ANOS1: variants seen among roughly 807,000 people sequenced by gnomAD.
The protein encoded by ANOS1 is anosmin-1.
A neutral mutation model predicts 59.0 loss-of-function variants in ANOS1; 6 were observed. The observed-to-expected ratio is 0.10, with a 90% CI of 0.06 to 0.20. The LOEUF (loss-of-function observed/expected upper bound fraction) is 0.20. Among genes scored for constraint, ANOS1 ranks in the 10% least tolerant of loss-of-function variants. ANOS1 has a pLI of 1.00. For synonymous variants in ANOS1, 217 were observed against 223.4 expected, an observed-to-expected ratio of 0.97 and a Z score of 0.25; for missense variants, 433 against 542.3, an observed-to-expected ratio of 0.80 and a Z score of 2.00.
intron 9 of ANOS1, among the ~76,000 whole-genome samples, chrX:8,546,628 T>C (rs747229836): frequency 4.5e-5 from 5 of 111,818 alleles, no homozygotes; most frequent in African/African-American, 1.6e-4. Context: ...ATCACAGAGC[T>C]GCCTCCTGAG....
intron 3 of ANOS1, among the ~76,000 whole-genome samples, chrX:8,621,826 C>A (rs1297892363): frequency 4.5e-5 from 5 of 111,774 alleles, no homozygotes; most frequent in Admixed American, 1.9e-4. Context: ...ATAAGCCCCA[C>A]AAAAGCTGGA....
chrX:8,632,432 A>G (rs1177615138), intron 2 of ANOS1, among the ~76,000 whole-genome samples: 2 of 111,990 alleles, frequency 1.8e-5, no homozygotes, highest in Admixed American at 1.9e-4. Context: ...ACTTTATTTT[A>G]TAGTTCTTTC....
intron 6 of ANOS1, among the ~76,000 whole-genome samples, chrX:8,579,581 G>C (rs768224186): frequency 3.6e-5 from 4 of 111,731 alleles, no homozygotes; most frequent in African/African-American, 1.3e-4. Flanking sequence ...AGTTAAACAA[G>C]AGGTAAACAA....
Position 8,699,741 on chromosome X carries a change from T to C in ANOS1, c.212A>G (p.Asn71Ser), listed in dbSNP as rs940503423. The part of the protein sequence containing the change: ...ISAFFQHFQN[N>S]GSLVWCQNHK... ...ATTCTGGCACCAAACCAGGGAACCA[T>C]TGTTCTGCAAAAAGAAAAAGGAAAA... The change falls in exon 2 of 14, where the codon AAT becomes AGT. Residue 71 changes from asparagine to serine, a missense_variant. Physicochemically the swap from Asn to Ser is conservative, Grantham distance 46. Transcript: ENST00000262648. 5 of 1,193,185 alleles carry C rather than the reference T, an allele frequency of 4.2e-6. No homozygotes were observed. The highest frequency in any genetic ancestry group is 1.8e-5 in the South Asian group (1 of 56,133).
chrX:8,719,527 C>T lies in ANOS1; in HGVS notation c.207+12303G>A, dbSNP rs917938413. On this transcript the variant is annotated intron_variant, in intron 1 of 13. Transcript: ENST00000262648. ...TCCCTAGTAGCTGGGACTACAGGTGCGCACCACCATGCCTGGCTAATTTTT... is the reference window on the plus strand; with the variant it reads ...TCCCTAGTAGCTGGGACTACAGGTGTGCACCACCATGCCTGGCTAATTTTT... Among the ~76,000 whole-genome samples, 4 of 111,234 alleles carry T rather than the reference C, an allele frequency of 3.6e-5. No homozygotes were observed. The South Asian group carries it at 1.1e-3, about 32-fold the overall frequency.
chrX:8,534,815 G>A (rs141539475), intron 12 of ANOS1, among the ~76,000 whole-genome samples: 134 of 111,832 alleles, frequency 1.2e-3, no homozygotes, highest in African/African-American at 4.2e-3. Context: ...ATCTTGTGAT[G>A]TGAACTCTTG....
chrX:8,652,676 T>C (rs985496816), intron 2 of ANOS1, among the ~76,000 whole-genome samples: 1 of 110,893 alleles, frequency 9.0e-6, no homozygotes, highest in Non-Finnish European at 1.9e-5. Context: ...CATGGCAAGG[T>C]TGAGGAGTTT....
chrX:8,555,395 G>A (rs1432519838), intron 8 of ANOS1, among the ~76,000 whole-genome samples: 9 of 110,802 alleles, frequency 8.1e-5, no homozygotes, highest in Non-Finnish European at 1.7e-4. Context: ...AGAACTGAAG[G>A]AGATAGAGAC....
At chrX:8,710,474 C>T (rs1300901876) in intron 1 of ANOS1, among the ~76,000 whole-genome samples, 2 of 111,522 alleles carry the variant, frequency 1.8e-5, no homozygotes, top group African/African-American at 6.5e-5. Flanking sequence ...TTCCAAATAC[C>T]CACTCAAAAT....
intron 4 of ANOS1, among the ~76,000 whole-genome samples, chrX:8,594,753 T>TACAC (rs1279296109): frequency 2.6e-5 from 2 of 76,558 alleles, no homozygotes; most frequent in East Asian, 7.4e-4. Context: ...TATATATACA[T>TACAC]ATATATATAT....
chrX:8,541,295 C>T (rs1300721475), intron 9 of ANOS1, among the ~76,000 whole-genome samples: 4 of 102,566 alleles, frequency 3.9e-5, no homozygotes, highest in African/African-American at 1.1e-4. Flanking sequence ...CCCAGCTACT[C>T]GGGAGGCTGA....
At position 8,678,088 on chromosome X, in the gene ANOS1, C is replaced by T. The variant is rs780848785; in HGVS notation, c.255+21610G>A. Among the ~76,000 whole-genome samples the T allele has an allele frequency of 8.9e-5, 10 of 112,391 alleles. No individual in the cohort carries two copies. In the East Asian group the frequency reaches 2.8e-3, roughly 32 times the overall value. On this transcript the variant is annotated intron_variant, in intron 2 of 13. Transcript: ENST00000262648. ...ACCTGACCCGCAAGCTCTCCACAGA[C>T]CTGCGCTGATGGTTTCTCACTTCCC...
At chrX:8,651,838 G>A (rs373414211) in intron 2 of ANOS1, among the ~76,000 whole-genome samples, 2 of 111,979 alleles carry the variant, frequency 1.8e-5, no homozygotes, top group African/African-American at 6.5e-5. Context: ...GTCTCCCTAG[G>A]GTGTACTCCC....
chrX:8,610,942 G>A (rs1307631170), intron 3 of ANOS1, among the ~76,000 whole-genome samples: 1 of 111,788 alleles, frequency 8.9e-6, no homozygotes, highest in Non-Finnish European at 1.9e-5. Context: ...AATCCAGTGT[G>A]CAAAGAAGCA....
At chrX:8,556,981 T>C (rs1929960291) in intron 8 of ANOS1, among the ~76,000 whole-genome samples, 1 of 111,449 alleles carries the variant, frequency 9.0e-6, no homozygotes, top group Non-Finnish European at 1.9e-5. Context: ...AAAACAGATA[T>C]ATAGACCAAT....
intron 2 of ANOS1, among the ~76,000 whole-genome samples, chrX:8,680,022 A>G (rs1932397571): frequency 9.1e-6 from 1 of 109,377 alleles, no homozygotes; most frequent in Non-Finnish European, 1.9e-5. Flanking sequence ...TTAGCCTGGC[A>G]TGGTGGTGTG....
chrX:8,727,703 C>A (rs1165470556), intron 1 of ANOS1, among the ~76,000 whole-genome samples: 1 of 112,138 alleles, frequency 8.9e-6, no homozygotes, highest in African/African-American at 3.2e-5. Flanking sequence ...GAGCCCAAGG[C>A]CCTAGGTGCC....
At chrX:8,668,920 G>A (rs765911227) in intron 2 of ANOS1, among the ~76,000 whole-genome samples, 1 of 111,610 alleles carries the variant, frequency 9.0e-6, no homozygotes, top group Non-Finnish European at 1.9e-5. Flanking sequence ...GTATCAAAAC[G>A]ATCAAGTCTC....
chrX:8,585,257 G>A lies in ANOS1; in HGVS notation c.856+10C>T. The stretch of plus-strand genomic sequence containing the variant: ...AGTATTCTGTGTCTGGGAAGAAAAG[G>A]AAGACTGACCTTTGGAAGAACGGAA... On this transcript the variant is annotated intron_variant, in intron 6 of 13. Transcript: ENST00000262648. The A allele has an allele frequency of 8.3e-7, 1 of 1,209,829 alleles. No individual in the cohort carries two copies. The highest frequency in any genetic ancestry group is 1.1e-6 in the Non-Finnish European group (1 of 894,139).
Sources: gnomAD v4.1 joint callset for allele counts (sites outside exome capture counted in the v4.1 genomes callset) on GRCh38, gnomAD v4.1.1 for gene constraint, MANE v1.5 for transcripts, NCBI Gene and HGNC (gene_info 2026-07-23, HGNC 2026-07-21) for gene names.